The following DNAJC24 variants were observed in gnomAD, a reference collection of about 807,000 sequenced individuals.
DNAJC24 encodes DnaJ heat shock protein family (Hsp40) member C24, also known as dnaJ homolog subfamily C member 24.
Under a neutral mutation model 18.0 loss-of-function variants are expected in DNAJC24, and 17 were observed. The ratio of observed to expected loss-of-function variants is 0.94; its 90% CI spans 0.65 to 1.42. DNAJC24 has a LOEUF of 1.42. Ranked by LOEUF, DNAJC24 falls within the 40% of genes most tolerant of loss-of-function variation. The pLI is 0.00. For missense variants in DNAJC24, 158 were observed against 175.6 expected (o/e 0.90, Z 0.57); for synonymous variants, 55 against 57.7 (o/e 0.95, Z 0.21).
chr11:31,429,349 T>A (rs1438576001), intron 4 of DNAJC24: 2 of 232,452 alleles, frequency 8.6e-6, no homozygotes, highest in East Asian at 1.9e-4. Context: ...TGATGCGATC[T>A]AAGTATTAAT....
chr11:31,393,564 T>A (rs1358477109), intron 2 of DNAJC24, among the ~76,000 whole-genome samples: 2 of 152,154 alleles, frequency 1.3e-5, no homozygotes, highest in African/African-American at 4.8e-5. Flanking sequence ...TTACTCTCTC[T>A]TGGCCCATAT....
At chr11:31,429,093 T>C (rs972455028) in intron 4 of DNAJC24, among the ~76,000 whole-genome samples, 1 of 152,094 alleles carries the variant, frequency 6.6e-6, no homozygotes, top group Admixed American at 6.6e-5. Context: ...AGTACATAGA[T>C]GTTGGCTTAG....
rs1591896148 is a variant in DNAJC24 at position 31,372,229 on chromosome 11, A to AG, written c.111+1370_111+1371insG. 8.5e-4 allele frequency among the ~76,000 whole-genome samples: 118 copies of AG among 138,086 alleles called. 4 individuals carry two copies. The highest frequency in any genetic ancestry group is 1.4e-3 in the South Asian group (6 of 4,270). The allele number at this position is 138,086 out of a possible 152,430, so 90.6% of individuals were successfully genotyped here. ...GATGCTTCTTAAGCCAATGTCTGTA[A>AG]TTCTATACCGACGTCCGGTTAACTC... On this transcript the variant is annotated intron_variant, in intron 2 of 4. Coordinates refer to ENST00000465995, the MANE Select transcript of DNAJC24 (RefSeq NM_181706.5).
At chr11:31,391,892 A>G (rs1284784128) in intron 2 of DNAJC24, among the ~76,000 whole-genome samples, 3 of 152,216 alleles carry the variant, frequency 2.0e-5, no homozygotes, top group African/African-American at 7.2e-5. Context: ...AAATGTATAT[A>G]TACACAACGG....
intron 2 of DNAJC24, among the ~76,000 whole-genome samples, chr11:31,409,716 T>C (rs1952688640): frequency 6.6e-6 from 1 of 152,186 alleles, no homozygotes; most frequent in Non-Finnish European, 1.5e-5. Context: ...TAATCTATTC[T>C]TCTATGAATC....
At position 31,432,348 on chromosome 11, in the gene DNAJC24, G is replaced by T; in HGVS notation, c.*1947G>T. On this transcript the variant is annotated 3_prime_UTR_variant, in exon 5 of 5. Coordinates refer to ENST00000465995, the MANE Select transcript of DNAJC24 (RefSeq NM_181706.5). The stretch of plus-strand genomic sequence containing the variant: ...ATATATTTTGAACTAACAGAACTTG[G>T]CAGAATGTGTGTTGAATATTCTTTA... The T allele has an allele frequency of 1.8e-6, 1 of 549,084 alleles. No individual in the cohort carries two copies. Among genetic ancestry groups the T allele is most frequent in the Non-Finnish European group, 3.2e-6 (1 of 308,938 alleles). The allele number at this position is 549,084 out of a possible 1,614,324, so 34.0% of individuals were successfully genotyped here. A position where few individuals can be genotyped will look rare whatever the true frequency, so the allele number is the denominator to read the frequency against.
At chr11:31,398,459 C>T (rs2133483503) in intron 2 of DNAJC24, among the ~76,000 whole-genome samples, 1 of 152,198 alleles carries the variant, frequency 6.6e-6, no homozygotes, top group Middle Eastern at 3.4e-3. Context: ...AAAGTTAAAT[C>T]AGTTGAAGTT....
At chr11:31,413,852 C>T (rs1952731971) in intron 2 of DNAJC24, among the ~76,000 whole-genome samples, 1 of 152,026 alleles carries the variant, frequency 6.6e-6, no homozygotes, top group Non-Finnish European at 1.5e-5. Flanking sequence ...ACTGAAATGT[C>T]TCTAAATTTA....
At chr11:31,395,168 G>A (rs959760503) in intron 2 of DNAJC24, among the ~76,000 whole-genome samples, 1 of 152,156 alleles carries the variant, frequency 6.6e-6, no homozygotes, top group African/African-American at 2.4e-5. Flanking sequence ...GCACTTAGGA[G>A]AGTGACCTCC....
At position 31,430,530 on chromosome 11, in the gene DNAJC24, A is replaced by G. The variant is rs1440942101; in HGVS notation, c.*129A>G. 14 of 609,862 alleles carry G rather than the reference A, an allele frequency of 2.3e-5. No individual in the cohort carries two copies. In the South Asian group the frequency reaches 4.5e-4, roughly 19 times the overall value. The allele number at this position is 609,862 out of a possible 1,614,324, so 37.8% of individuals were successfully genotyped here. A position where few individuals can be genotyped will look rare whatever the true frequency, so the allele number is the denominator to read the frequency against. On this transcript the variant is annotated 3_prime_UTR_variant, in exon 5 of 5. Transcript: ENST00000465995. Reference sequence around the variant, plus strand: ...TTTGCAAAGAAAATATACAATTATCAAGCAGAGACCACCTCAGATTAATAG... The same window carrying G: ...TTTGCAAAGAAAATATACAATTATCGAGCAGAGACCACCTCAGATTAATAG...
intron 2 of DNAJC24, among the ~76,000 whole-genome samples, chr11:31,378,655 G>T (rs905155513): frequency 9.4e-5 from 14 of 148,530 alleles, no homozygotes; most frequent in East Asian, 3.9e-4. Flanking sequence ...CTTTCCAGTG[G>T]TTTTTTTTTT....
chr11:31,423,653 C>T (rs992789363), intron 3 of DNAJC24, among the ~76,000 whole-genome samples: 15 of 152,078 alleles, frequency 9.9e-5, no homozygotes, highest in African/African-American at 3.4e-4. Context: ...TTTTGTGTAA[C>T]GGGTAATCAT....
chr11:31,408,115 T>C (rs776182184), intron 2 of DNAJC24: 13 of 456,122 alleles, frequency 2.9e-5, no homozygotes, highest in South Asian at 1.7e-4. Flanking sequence ...TACAGGTTAT[T>C]GGATTTTTTC....
chr11:31,382,237 T>A (rs1952384280), intron 2 of DNAJC24, among the ~76,000 whole-genome samples: 1 of 152,208 alleles, frequency 6.6e-6, no homozygotes, highest in Admixed American at 6.5e-5. Context: ...GCTTTGGGCC[T>A]CACTTGTACC....
In DNAJC24 at chr11:31,432,446, TAATA is replaced by T; in HGVS notation, c.*2049_*2052del. On this transcript the variant is annotated 3_prime_UTR_variant, in exon 5 of 5. Transcript: ENST00000465995. ...GGTAAGTACACGGTTTCAACGGGAGTAATAAATTCACATGAAAAGGAGACAATAA... is the reference window on the plus strand; with the variant it reads ...GGTAAGTACACGGTTTCAACGGGAGTAATTCACATGAAAAGGAGACAATAA... The T allele has an allele frequency of 8.2e-7, 1 of 1,219,390 alleles. No homozygotes were observed. 75.5% of individuals were successfully genotyped at this position (1,219,390 alleles called of 1,614,324 possible).
intron 2 of DNAJC24, among the ~76,000 whole-genome samples, chr11:31,390,333 T>G (rs1591905222): frequency 8.2e-6 from 1 of 121,316 alleles, no homozygotes. Context: ...GAGGTGGAGG[T>G]GGCAATGAAC....
At chr11:31,380,734 A>G (rs1367940974) in intron 2 of DNAJC24, among the ~76,000 whole-genome samples, 1 of 152,188 alleles carries the variant, frequency 6.6e-6, no homozygotes, top group Non-Finnish European at 1.5e-5. Context: ...TCTTGACTAC[A>G]TGTATGTGTA....
intron 2 of DNAJC24, among the ~76,000 whole-genome samples, chr11:31,403,281 A>G (rs1952620885): frequency 1.3e-5 from 2 of 152,134 alleles, no homozygotes; most frequent in African/African-American, 4.8e-5. Flanking sequence ...ATTTGTAGTG[A>G]GAGAAAGTGA....
At chr11:31,409,502 A>G (rs1229515842) in intron 2 of DNAJC24, among the ~76,000 whole-genome samples, 1 of 152,162 alleles carries the variant, frequency 6.6e-6, no homozygotes, top group East Asian at 1.9e-4. Context: ...ATCATACAGT[A>G]TGTACTTTTT....
Sources: gnomAD v4.1 joint callset for allele counts (sites outside exome capture counted in the v4.1 genomes callset) on GRCh38, gnomAD v4.1.1 for gene constraint, MANE v1.5 for transcripts, NCBI Gene and HGNC (gene_info 2026-07-23, HGNC 2026-07-21) for gene names.